The following KCNIP4 variants were observed in gnomAD, a reference collection of about 807,000 sequenced individuals.
KCNIP4 encodes the protein potassium voltage-gated channel interacting protein 4.
In KCNIP4, 12 loss-of-function variants were observed where a neutral mutation model predicts 34.0. The ratio of observed to expected loss-of-function variants is 0.35; its 90% CI spans 0.23 to 0.57. KCNIP4 has a LOEUF of 0.57. KCNIP4 is among the 20% of genes least tolerant of loss of function. The pLI is 0.83. For missense variants in KCNIP4, 238 were observed against 311.7 expected, an observed-to-expected ratio of 0.76 and a Z score of 1.78; for synonymous variants, 124 against 102.2, an observed-to-expected ratio of 1.21 and a Z score of -1.29.
intron 2 of KCNIP4, among the ~76,000 whole-genome samples, chr4:20,877,339 C>A (rs537837718): frequency 2.0e-5 from 3 of 152,280 alleles, no homozygotes; most frequent in South Asian, 2.1e-4. Flanking sequence ...GCTCAATAAA[C>A]CCTGCGCATA....
intron 1 of KCNIP4, among the ~76,000 whole-genome samples, chr4:21,064,071 T>C (rs2108979029): frequency 6.6e-6 from 1 of 152,268 alleles, no homozygotes; most frequent in Non-Finnish European, 1.5e-5. Flanking sequence ...ACTTTTCATT[T>C]CACGGTTTGT....
intron 1 of KCNIP4, among the ~76,000 whole-genome samples, chr4:21,636,488 A>C (rs1326328997): frequency 1.3e-5 from 2 of 152,148 alleles, no homozygotes; most frequent in African/African-American, 2.4e-5. Flanking sequence ...CCCAGGCAGC[A>C]CTAAAAAATG....
At chr4:20,823,447 G>C (rs921201325) in intron 3 of KCNIP4, among the ~76,000 whole-genome samples, 1 of 152,124 alleles carries the variant, frequency 6.6e-6, no homozygotes, top group South Asian at 2.1e-4. Flanking sequence ...ACAGTCATAG[G>C]TTGAAATTCT....
At chr4:21,458,695 T>G (rs1365761610) in intron 1 of KCNIP4, among the ~76,000 whole-genome samples, 1 of 152,078 alleles carries the variant, frequency 6.6e-6, no homozygotes, top group South Asian at 2.1e-4. Flanking sequence ...ACTACTTTAC[T>G]TTAGACTTTT....
chr4:20,912,837 TTA>T (rs1728458393), intron 1 of KCNIP4, among the ~76,000 whole-genome samples: 1 of 152,172 alleles, frequency 6.6e-6, no homozygotes, highest in Non-Finnish European at 1.5e-5. Context: ...AGAGACCATT[TTA>T]TACTCATGGG....
At chr4:21,279,635 T>G (rs1355070622) in intron 1 of KCNIP4, among the ~76,000 whole-genome samples, 2 of 151,704 alleles carry the variant, frequency 1.3e-5, no homozygotes, top group East Asian at 3.9e-4. Flanking sequence ...TCATCAAATA[T>G]TAATTCAGCC....
intron 3 of KCNIP4, among the ~76,000 whole-genome samples, chr4:20,808,586 G>A (rs564575951): frequency 5.7e-4 from 87 of 152,118 alleles, no homozygotes; most frequent in African/African-American, 1.9e-3. Context: ...TGCCTCACTC[G>A]GTGCACTTTA....
chr4:20,734,258 G>A (rs560082869), intron 6 of KCNIP4, among the ~76,000 whole-genome samples: 2 of 152,200 alleles, frequency 1.3e-5, no homozygotes, highest in African/African-American at 2.4e-5. Context: ...CCCCATGATT[G>A]TAAAATTTCA....
intron 1 of KCNIP4, among the ~76,000 whole-genome samples, chr4:21,012,045 C>T (rs900682676): frequency 4.6e-5 from 7 of 152,232 alleles, no homozygotes; most frequent in East Asian, 1.9e-4. Flanking sequence ...TAAGCTAATT[C>T]GAAAGGGAAG....
chr4:21,407,446 A>C (rs1724090802), intron 1 of KCNIP4, among the ~76,000 whole-genome samples: 1 of 152,168 alleles, frequency 6.6e-6, no homozygotes. Context: ...ATGAAGTAGG[A>C]AATTTGTCTC....
At chr4:21,397,870 T>C (rs183564161) in intron 1 of KCNIP4, among the ~76,000 whole-genome samples, 1 of 146,334 alleles carries the variant, frequency 6.8e-6, no homozygotes, top group East Asian at 2.0e-4. Flanking sequence ...TGATGGACTA[T>C]ATGATTAAAA....
intron 3 of KCNIP4, among the ~76,000 whole-genome samples, chr4:20,805,194 T>C (rs868556620): frequency 0.051 from 7,117 of 139,406 alleles, 361 homozygotes; most frequent in African/African-American, 0.06. Flanking sequence ...TCCTTTTTTT[T>C]TTTTTTTTTT....
intron 1 of KCNIP4, among the ~76,000 whole-genome samples, chr4:21,910,448 C>A (rs1728239805): frequency 6.6e-6 from 1 of 152,110 alleles, no homozygotes. Flanking sequence ...AGACTGGAGG[C>A]TTCTACATAT....
intron 1 of KCNIP4, among the ~76,000 whole-genome samples, chr4:21,519,648 A>G (rs1438685837): frequency 7.2e-5 from 10 of 138,908 alleles, no homozygotes; most frequent in Non-Finnish European, 7.7e-5. Context: ...ATGTGTGTGT[A>G]TGTATGTGTA....
intron 1 of KCNIP4, among the ~76,000 whole-genome samples, chr4:21,098,448 C>T (rs1175227165): frequency 6.6e-6 from 1 of 152,154 alleles, no homozygotes; most frequent in Non-Finnish European, 1.5e-5. Flanking sequence ...CAGCTGGTGA[C>T]TTTAAATTGA....
Position 20,729,471 on chromosome 4 carries a change from C to CATTTTTAAATGTTTAA in KCNIP4, c.*610_*611insTTAAACATTTAAAAAT, listed in dbSNP as rs1553881566. 6.6e-6 allele frequency: 1 copy of CATTTTTAAATGTTTAA among 151,228 alleles called. No individual in the cohort carries two copies. The highest frequency in any genetic ancestry group is 1.5e-5 in the Non-Finnish European group (1 of 67,852). The allele number at this position is 151,228 out of a possible 1,614,324, so 9.4% of individuals were successfully genotyped here. A position where few individuals can be genotyped will look rare whatever the true frequency, so the allele number is the denominator to read the frequency against. On this transcript the variant is annotated 3_prime_UTR_variant, in exon 9 of 9. Coordinates refer to ENST00000382152, the MANE Select transcript of KCNIP4 (RefSeq NM_025221.6). ...GCATATGCTGATATCTGATAATAAA[C>CATTTTTAAATGTTTAA]TAATTTTTAAATGTTTAATAATTTT...
intron 1 of KCNIP4, among the ~76,000 whole-genome samples, chr4:21,086,629 T>A (rs1746455622): frequency 6.6e-6 from 1 of 152,166 alleles, no homozygotes; most frequent in Admixed American, 6.5e-5. Context: ...CCAAGATGTG[T>A]TTGTACCATT....
chr4:21,440,149 C>G (rs1305039351), intron 1 of KCNIP4, among the ~76,000 whole-genome samples: 4 of 152,186 alleles, frequency 2.6e-5, no homozygotes, highest in Admixed American at 2.6e-4. Flanking sequence ...TTCAAATTCA[C>G]TAGTATCCAG....
At chr4:21,663,813 T>G (rs1031614972) in intron 1 of KCNIP4, among the ~76,000 whole-genome samples, 6 of 152,178 alleles carry the variant, frequency 3.9e-5, no homozygotes, top group African/African-American at 1.4e-4. Flanking sequence ...TTCCAAAATC[T>G]CATTCTCACA....
Sources: allele counts gnomAD v4.1 joint callset (sites outside exome capture counted in the v4.1 genomes callset), GRCh38; gene constraint gnomAD v4.1.1; transcripts MANE v1.5; gene names NCBI Gene and HGNC (gene_info 2026-07-23, HGNC 2026-07-21).